The following IMPG2 variants were observed in gnomAD, a reference collection of about 807,000 sequenced individuals.
The protein encoded by IMPG2 is interphotoreceptor matrix proteoglycan 2, also known as IPM 200.
IMPG2 carries 91 observed loss-of-function variants against 129.2 expected under a neutral mutation model. The ratio of observed to expected loss-of-function variants is 0.70; its 90% CI spans 0.59 to 0.84. The LOEUF is 0.84. Among genes scored for constraint, IMPG2 ranks in the 40% least tolerant of loss-of-function variants. The probability of loss-of-function intolerance (pLI) is 0.00; values close to 1 mark genes in which losing one functional copy is unlikely to be tolerated. For missense variants in IMPG2, 1,430 were observed against 1,461.7 expected (o/e 0.98, Z 0.35); for synonymous variants, 510 against 517.7 (o/e 0.99, Z 0.20).
At chr3:101,254,909 C>G (rs970758024) in intron 10 of IMPG2, among the ~76,000 whole-genome samples, 1 of 151,866 alleles carries the variant, frequency 6.6e-6, no homozygotes, top group Non-Finnish European at 1.5e-5. Flanking sequence ...CACTTTCTCT[C>G]TCTCTCTCTC....
At chr3:101,313,337 CAA>C (rs1242117403) in intron 2 of IMPG2, among the ~76,000 whole-genome samples, 1 of 152,076 alleles carries the variant, frequency 6.6e-6, no homozygotes. Flanking sequence ...GACCTCCAGG[CAA>C]AGAGGTACTA....
rs770063113 is a variant in IMPG2 at position 101,244,007 on chromosome 3, G to C, written c.2324C>G (p.Thr775Ser). 4 of 1,614,142 alleles carry C rather than the reference G, an allele frequency of 2.5e-6. No individual in the cohort carries two copies. Among genetic ancestry groups the C allele is most frequent in the Non-Finnish European group, 8.5e-7 (1 of 1,180,026 alleles). The change falls in exon 13 of 19, where the codon ACT (threonine) becomes AGT (serine). Residue 775 changes from threonine to serine, a missense_variant. Transcript: ENST00000193391. ...AACTCTCTCTGATTCTGGCAATATA[G>C]TCCACAAAGTTTGCATATCTGGCTT... ...MVKPDMQTLW[T>S]ILPESERVWT...
At chr3:101,269,428 T>C in intron 8 of IMPG2, 87 bp downstream of exon 8, 3 of 792,718 alleles carry the variant, frequency 3.8e-6, no homozygotes, top group Non-Finnish European at 6.7e-6. Context: ...CATTTATTGT[T>C]AGAATATGTG....
At chr3:101,287,429 C>A (rs945359528) in intron 4 of IMPG2, among the ~76,000 whole-genome samples, 1 of 152,088 alleles carries the variant, frequency 6.6e-6, no homozygotes, top group African/African-American at 2.4e-5. Context: ...GCCTGAATAG[C>A]CAAAGTATCC....
Position 101,274,207 on chromosome 3 carries a change from T to C in IMPG2, c.667-465A>G, listed in dbSNP as rs759216197. ...CCATTTCAAAAAAATAATAAATAAA[T>C]AAAATAAATTAATAAAATAGTAAAC... On this transcript the variant is annotated intron_variant, in intron 6 of 18. Transcript: ENST00000193391. 4.0e-5 allele frequency among the ~76,000 whole-genome samples: 6 copies of C among 151,734 alleles called. No homozygotes were observed. In the South Asian group the frequency reaches 1.2e-3, roughly 31 times the overall value.
chr3:101,245,877 T>C lies in IMPG2; in HGVS notation c.1468A>G (p.Thr490Ala). ...AAGCCAGTCTGAAGCACTGCCGGGG[T>C]GACAGAATGAAGAGTCAAGCTGCTA... ...EVSSLTLHSV[T>A]PAVLQTGLPV... The change falls in exon 12 of 19, where the codon ACC becomes GCC. Residue 490 changes from threonine (T) to alanine (A), a missense_variant. Physicochemically the swap from Thr to Ala is moderately conservative, Grantham distance 58. Coordinates refer to ENST00000193391, the MANE Select transcript of IMPG2 (RefSeq NM_016247.4). 6.2e-7 allele frequency: 1 copy of C among 1,614,116 alleles called. No individual in the cohort carries two copies. The highest frequency in any genetic ancestry group is 2.2e-5 in the East Asian group (1 of 44,872).
At chr3:101,241,281 T>A (rs1330419653) in intron 14 of IMPG2, among the ~76,000 whole-genome samples, 1 of 152,160 alleles carries the variant, frequency 6.6e-6, no homozygotes, top group Non-Finnish European at 1.5e-5. Context: ...GGTGAGTCAA[T>A]GAAAAGTCCT....
intron 9 of IMPG2, 22 bp downstream of exon 9, chr3:101,267,489 T>C (rs779665685): frequency 1.2e-5 from 19 of 1,605,872 alleles, no homozygotes; most frequent in Non-Finnish European, 1.4e-5. Context: ...CAATGGACAT[T>C]AGAGAAAGTG....
At chr3:101,231,496 C>G (rs1706287209) in intron 15 of IMPG2, among the ~76,000 whole-genome samples, 1 of 152,216 alleles carries the variant, frequency 6.6e-6, no homozygotes, top group African/African-American at 2.4e-5. Context: ...TGCTGCAGAA[C>G]TGGGCCTAGA....
At chr3:101,306,420 G>A (rs1045440917) in intron 2 of IMPG2, among the ~76,000 whole-genome samples, 3 of 152,150 alleles carry the variant, frequency 2.0e-5, no homozygotes. Flanking sequence ...TGAACTACCT[G>A]TATCCTTATT....
At chr3:101,243,160 C>CA (rs2107218603) in intron 13 of IMPG2, among the ~76,000 whole-genome samples, 1 of 152,270 alleles carries the variant, frequency 6.6e-6, no homozygotes, top group South Asian at 2.1e-4. Context: ...TTTAGACACT[C>CA]AGAGAGTTTA....
At chr3:101,262,287 T>C (rs1706678615) in intron 9 of IMPG2, among the ~76,000 whole-genome samples, 1 of 152,016 alleles carries the variant, frequency 6.6e-6, no homozygotes, top group Non-Finnish European at 1.5e-5. Context: ...ACTACTGAAT[T>C]AAAATAATGA....
chr3:101,277,365 A>G (rs1337795976), intron 4 of IMPG2, among the ~76,000 whole-genome samples: 1 of 152,230 alleles, frequency 6.6e-6, no homozygotes, highest in Non-Finnish European at 1.5e-5. Flanking sequence ...TTGGGGATAA[A>G]TGAATACTAT....
chr3:101,252,714 T>C (rs1224097703), intron 11 of IMPG2, among the ~76,000 whole-genome samples: 3 of 152,220 alleles, frequency 2.0e-5, no homozygotes, highest in Admixed American at 6.5e-5. Context: ...AGATTGTTTT[T>C]AGTAATTCTA....
In IMPG2 at chr3:101,225,882, C is replaced by T. The variant is rs995309325; in HGVS notation, c.*1087G>A. The T allele has an allele frequency of 2.6e-5, 4 of 152,266 alleles. No individual in the cohort carries two copies. The highest frequency in any genetic ancestry group is 5.9e-5 in the Non-Finnish European group (4 of 68,148). The allele number at this position is 152,266 out of a possible 1,614,324, so 9.4% of individuals were successfully genotyped here. ...ATAAGGTATGGACTTCCTATCTGTT[C>T]AGTTTTTAAAATATTTTAATTGTAA... On this transcript the variant is annotated 3_prime_UTR_variant, in exon 19 of 19. Transcript: ENST00000193391.
rs1195144735 is a variant in IMPG2 at position 101,222,864 on chromosome 3, A to G, written c.*4105T>C. Reference sequence around the variant, plus strand: ...TGAAAAATTATACCTGTATTCTCTGATACCACAATTATTTTTTCTATATAT... The same window carrying G: ...TGAAAAATTATACCTGTATTCTCTGGTACCACAATTATTTTTTCTATATAT... On this transcript the variant is annotated 3_prime_UTR_variant, in exon 19 of 19. Transcript: ENST00000193391. The G allele has an allele frequency of 2.0e-5, 3 of 152,212 alleles. No homozygotes were observed. Among genetic ancestry groups the G allele is most frequent in the African/African-American group, 7.2e-5 (3 of 41,450 alleles). 9.4% of individuals were successfully genotyped at this position (152,212 alleles called of 1,614,324 possible). A position where few individuals can be genotyped will look rare whatever the true frequency, so the allele number is the denominator to read the frequency against.
At position 101,244,723 on chromosome 3, in the gene IMPG2, GA is replaced by G; in HGVS notation, c.1607del (p.Phe536SerfsTer20). The G allele has an allele frequency of 6.2e-7, 1 of 1,613,988 alleles. No homozygotes were observed. Among genetic ancestry groups the G allele is most frequent in the Non-Finnish European group, 8.5e-7 (1 of 1,179,890 alleles). ...TTGTTTCTTTTGGCACAGGTTGAGT[GA>G]ATGAACTTGAAGGCAATGAATCAAT... Reference protein sequence around the residue: ...LSIDSLPSSSFTQPVPKETIP... With the variant: ...LSIDSLPSSSXTQPVPKETIP... On this transcript the variant is annotated frameshift_variant, in exon 13 of 19. Transcript: ENST00000193391. LOFTEE classifies it high-confidence loss of function.
Position 101,288,926 on chromosome 3 carries a change from G to T in IMPG2, c.533+2553C>A, listed in dbSNP as rs553796371. 2.0e-5 allele frequency among the ~76,000 whole-genome samples: 3 copies of T among 152,248 alleles called. No homozygotes were observed. In the South Asian group the frequency reaches 6.2e-4, roughly 32 times the overall value. On this transcript the variant is annotated intron_variant, in intron 4 of 18. Coordinates refer to ENST00000193391, the MANE Select transcript of IMPG2 (RefSeq NM_016247.4). ...CACAAGTATGTTTTGATATTGGTCT[G>T]ATTGGTTAAACAAAGTCAACCAAAG...
chr3:101,267,640 T>G, intron 8 of IMPG2, 109 bp from the exon 9 acceptor site: 1 of 925,668 alleles, frequency 1.1e-6, no homozygotes, highest in Non-Finnish European at 1.7e-6. Flanking sequence ...TTCTTTGAAA[T>G]GCTTCCTTAA....
Sources: allele counts gnomAD v4.1 joint callset (sites outside exome capture counted in the v4.1 genomes callset), GRCh38; gene constraint gnomAD v4.1.1; transcripts MANE v1.5; gene names NCBI Gene and HGNC (gene_info 2026-07-23, HGNC 2026-07-21).